The following FOXP1 variants were observed in gnomAD, a reference collection of about 807,000 sequenced individuals.
FOXP1 encodes forkhead box P1, also known as forkhead box protein P1.
Under a neutral mutation model 98.2 loss-of-function variants are expected in FOXP1, and 15 were observed. The observed-to-expected ratio is 0.15, with a 90% CI of 0.10 to 0.24. The LOEUF is 0.24. FOXP1 is among the 10% of genes least tolerant of loss of function. The probability of loss-of-function intolerance (pLI) is 1.00; values close to 1 mark genes in which losing one functional copy is unlikely to be tolerated. For synonymous variants in FOXP1, 371 were observed against 314.5 expected (o/e 1.18, Z -1.90); for missense variants, 633 against 848.5 (o/e 0.75, Z 3.15).
In FOXP1 at chr3:71,416,318, T is replaced by C. The variant is rs796220183; in HGVS notation, c.-167-57074A>G. Among the ~76,000 whole-genome samples the C allele has an allele frequency of 7.9e-5, 12 of 152,106 alleles. No individual in the cohort carries two copies. The South Asian group carries it at 2.5e-3, about 32-fold the overall frequency. ...TGGGAGGACGAGGCAGGAGGGTTGC[T>C]TGAGGCCAGGAGTTCGAGACCAACC... On this transcript the variant is annotated intron_variant, in intron 3 of 20. Coordinates refer to ENST00000649528, the MANE Select transcript of FOXP1 (RefSeq NM_001349338.3).
intron 4 of FOXP1, among the ~76,000 whole-genome samples, chr3:71,304,269 C>T (rs2074091404): frequency 6.6e-6 from 1 of 152,196 alleles, no homozygotes; most frequent in African/African-American, 2.4e-5. Flanking sequence ...TGACTCTCTC[C>T]TGCCTTACAG....
Position 70,965,954 on chromosome 3 carries a change from C to A in FOXP1, c.1825G>T (p.Ala609Ser), listed in dbSNP as rs147537388. The A allele has an allele frequency of 6.2e-7, 1 of 1,614,122 alleles. No individual in the cohort carries two copies. The highest frequency in any genetic ancestry group is 8.5e-7 in the Non-Finnish European group (1 of 1,180,012). ...ASAIREELNG[A>S]MEHTNSNESD... Reference sequence around the variant, plus strand: ...TCGTTGCTGTTGGTATGCTCCATTGCCCCGTTCAGCTCTTCCCGTATTGCG... The same window carrying A: ...TCGTTGCTGTTGGTATGCTCCATTGACCCGTTCAGCTCTTCCCGTATTGCG... Residue 609 changes from alanine (A) to serine (S), a missense_variant, in exon 20 of 21, where the codon GCA (alanine) becomes TCA (serine). Ala to Ser is a moderately conservative substitution (Grantham distance 99, BLOSUM62 1). This residue lies in a region of FOXP1 where 150 missense variants were observed against 163.7 expected (regional missense o/e 0.92). Coordinates refer to ENST00000649528, the MANE Select transcript of FOXP1 (RefSeq NM_001349338.3).
chr3:71,228,655 G>A (rs2066030793), intron 5 of FOXP1, among the ~76,000 whole-genome samples: 1 of 152,094 alleles, frequency 6.6e-6, no homozygotes, highest in Admixed American at 6.5e-5. Flanking sequence ...GATTTATGTT[G>A]TCATTTCCTC....
At chr3:71,162,904 T>C (rs1266926986) in intron 6 of FOXP1, among the ~76,000 whole-genome samples, 1 of 152,250 alleles carries the variant, frequency 6.6e-6, no homozygotes, top group African/African-American at 2.4e-5. Flanking sequence ...GTAGCATTTA[T>C]TATTCCAGTT....
intron 6 of FOXP1, among the ~76,000 whole-genome samples, chr3:71,126,916 GAAA>G (rs2059247869): frequency 2.8e-5 from 4 of 141,408 alleles, no homozygotes; most frequent in Non-Finnish European, 6.2e-5. Context: ...GAAGAAAAAA[GAAA>G]AGAATATTTC....
intron 3 of FOXP1, among the ~76,000 whole-genome samples, chr3:71,388,960 G>C (rs975316951): frequency 4.6e-5 from 7 of 152,002 alleles, no homozygotes; most frequent in African/African-American, 1.7e-4. Context: ...GAGAAATCGA[G>C]ATAACAAAAA....
At chr3:71,227,147 C>T (rs1461182352) in intron 5 of FOXP1, among the ~76,000 whole-genome samples, 4 of 152,168 alleles carry the variant, frequency 2.6e-5, no homozygotes. Context: ...CAGTCCCCTG[C>T]TCTTGTCTAA....
chr3:71,469,748 G>A (rs2089139226), intron 3 of FOXP1, among the ~76,000 whole-genome samples: 2 of 152,174 alleles, frequency 1.3e-5, no homozygotes, highest in Admixed American at 1.3e-4. Flanking sequence ...AACCGTAAAA[G>A]CTGCAGACCA....
rs60598455 is a variant in FOXP1, at chr3:71,410,758, A to C, written c.-167-51514T>G. Among the ~76,000 whole-genome samples the C allele has an allele frequency of 7.2e-3, 1,090 of 152,310 alleles. 20 individuals carry two copies. The highest frequency in any genetic ancestry group is 0.024 in the African/African-American group (1,016 of 41,552). On this transcript the variant is annotated intron_variant, in intron 3 of 20. Transcript: ENST00000649528. Reference sequence around the variant, plus strand: ...CAAGTGGAATAGGCTTTGTTCCATGATACCTTACCTTTTCAAAGTTGAAAG... The same window carrying C: ...CAAGTGGAATAGGCTTTGTTCCATGCTACCTTACCTTTTCAAAGTTGAAAG...
At chr3:70,966,579 T>TA (rs2034834499) in intron 19 of FOXP1, among the ~76,000 whole-genome samples, 1 of 152,224 alleles carries the variant, frequency 6.6e-6, no homozygotes, top group Non-Finnish European at 1.5e-5. Flanking sequence ...ATCAATTTTT[T>TA]ATCTCCTCCC....
chr3:71,562,152 C>A (rs1004790810), intron 2 of FOXP1, among the ~76,000 whole-genome samples: 1 of 152,196 alleles, frequency 6.6e-6, no homozygotes, highest in Non-Finnish European at 1.5e-5. Flanking sequence ...AAGAACTCTA[C>A]ATGAGTCCTC....
intron 6 of FOXP1, among the ~76,000 whole-genome samples, chr3:71,158,727 CAAAAA>C (rs71104421): frequency 8.8e-6 from 1 of 113,090 alleles, no homozygotes. Flanking sequence ...GCCCACAGAC[CAAAAA>C]AAAAAAAAAA....
At chr3:71,091,097 CTGTGTGTG>C (rs1191628935) in intron 7 of FOXP1, among the ~76,000 whole-genome samples, 26 of 132,600 alleles carry the variant, frequency 2.0e-4, no homozygotes, top group African/African-American at 6.8e-4. Flanking sequence ...GTGCCAGATT[CTGTGTGTG>C]TGTGTGTGTG....
intron 2 of FOXP1, among the ~76,000 whole-genome samples, chr3:71,573,041 A>G (rs181645726): frequency 6.0e-4 from 92 of 152,274 alleles, no homozygotes; most frequent in African/African-American, 2.1e-3. Context: ...ATCCAATATA[A>G]AATCTATTCA....
At chr3:71,169,845 A>G (rs1241371885) in intron 6 of FOXP1, among the ~76,000 whole-genome samples, 2 of 152,048 alleles carry the variant, frequency 1.3e-5, no homozygotes, top group African/African-American at 2.4e-5. Flanking sequence ...CTATTTAAAG[A>G]GTAGATAAGA....
At chr3:71,194,887 G>A (rs552308571) in intron 6 of FOXP1, among the ~76,000 whole-genome samples, 6 of 152,330 alleles carry the variant, frequency 3.9e-5, no homozygotes, top group African/African-American at 1.2e-4. Context: ...AAGACAGTTT[G>A]TGAGTGTGTT....
chr3:71,511,136 A>C (rs1372257346), intron 2 of FOXP1, among the ~76,000 whole-genome samples: 3 of 152,172 alleles, frequency 2.0e-5, no homozygotes, highest in Non-Finnish European at 4.4e-5. Context: ...TAAGCCCATA[A>C]GTCCTTTTGT....
chr3:71,112,824 C>G (rs1420852383), intron 6 of FOXP1, among the ~76,000 whole-genome samples, 187 bp from the exon 7 acceptor site: 1 of 152,118 alleles, frequency 6.6e-6, no homozygotes, highest in Non-Finnish European at 1.5e-5. Flanking sequence ...GTTTACGTTC[C>G]CTTTGACTCG....
intron 4 of FOXP1, among the ~76,000 whole-genome samples, chr3:71,310,773 A>T (rs2074625116): frequency 6.6e-6 from 1 of 152,172 alleles, no homozygotes. Context: ...GAATTCTGCT[A>T]ATTGTTTAAG....
Sources: gnomAD v4.1 joint callset for allele counts (sites outside exome capture counted in the v4.1 genomes callset) on GRCh38, gnomAD v4.1.1 for gene constraint, gnomAD v4.1.1 regional missense constraint, MANE v1.5 for transcripts, NCBI Gene and HGNC (gene_info 2026-07-23, HGNC 2026-07-21) for gene names.